Variants in NRXN3 observed in about 807,000 individuals in gnomAD.
NRXN3 encodes neurexin III.
In NRXN3, 32 loss-of-function variants were observed where a neutral mutation model predicts 137.6. The observed-to-expected ratio is 0.23, with a 90% CI of 0.18 to 0.31. The LOEUF (loss-of-function observed/expected upper bound fraction) is 0.31. NRXN3 is among the 10% of genes least tolerant of loss of function. NRXN3 has a pLI of 1.00. For synonymous variants in NRXN3, 798 were observed against 784.5 expected, an observed-to-expected ratio of 1.02 and a Z score of -0.29; for missense variants, 1,574 against 2,062.5, an observed-to-expected ratio of 0.76 and a Z score of 4.59.
chr14:78,822,276 G>A (rs1376928638), intron 10 of NRXN3, among the ~76,000 whole-genome samples: 1 of 152,152 alleles, frequency 6.6e-6, no homozygotes, highest in Non-Finnish European at 1.5e-5. Context: ...AGCATTGAGT[G>A]ATTTCTGCCA....
At chr14:78,391,268 G>T (rs1394452725) in intron 4 of NRXN3, among the ~76,000 whole-genome samples, 1 of 152,188 alleles carries the variant, frequency 6.6e-6, no homozygotes, top group Non-Finnish European at 1.5e-5. Context: ...GAGGTGCTTT[G>T]ATGGGAGGAG....
intron 16 of NRXN3, among the ~76,000 whole-genome samples, chr14:79,629,808 T>C: frequency 7.5e-6 from 1 of 134,222 alleles, no homozygotes; most frequent in East Asian, 2.1e-4. Context: ...TGTGTGTGTG[T>C]ATGTGCGTGT....
chr14:78,544,261 C>G lies in NRXN3; in HGVS notation c.758-100859C>G, dbSNP rs181931226. ...GAGGATATGAGGGCACAAGAGGTGT[C>G]TCATACACCTTCTCCATTCTAGCAT... is the stretch of plus-strand genomic sequence containing the variant. On this transcript the variant is annotated intron_variant, in intron 4 of 20. Transcript: ENST00000335750. Among the ~76,000 whole-genome samples the G allele has an allele frequency of 2.6e-5, 4 of 152,338 alleles. No individual in the cohort carries two copies. In the East Asian group the frequency reaches 7.7e-4, roughly 29 times the overall value.
intron 4 of NRXN3, among the ~76,000 whole-genome samples, chr14:78,305,203 G>C (rs942687617): frequency 3.3e-5 from 5 of 152,166 alleles, no homozygotes; most frequent in Non-Finnish European, 7.4e-5. Context: ...AGTGGTGTGG[G>C]AAAGTGTGGG....
intron 2 of NRXN3, among the ~76,000 whole-genome samples, chr14:78,274,488 C>T (rs545377071): frequency 5.6e-4 from 86 of 152,236 alleles, no homozygotes; most frequent in African/African-American, 1.9e-3. Flanking sequence ...CCACTGGGTC[C>T]CTCCCATGAC....
At chr14:78,446,408 C>CT (rs532924679) in intron 4 of NRXN3, among the ~76,000 whole-genome samples, 5,104 of 145,576 alleles carry the variant, frequency 0.035, 250 homozygotes, top group African/African-American at 0.11. Flanking sequence ...ATGCTCTAGG[C>CT]TTTTTTTTTT....
At chr14:78,224,847 A>G (rs1022200053) in intron 1 of NRXN3, among the ~76,000 whole-genome samples, 3 of 138,718 alleles carry the variant, frequency 2.2e-5, no homozygotes, top group African/African-American at 8.0e-5. Context: ...GCTCACTGCA[A>G]GCTCCGCTTC....
At chr14:79,581,371 C>A (rs2097714636) in intron 16 of NRXN3, among the ~76,000 whole-genome samples, 1 of 152,158 alleles carries the variant, frequency 6.6e-6, no homozygotes, top group Non-Finnish European at 1.5e-5. Flanking sequence ...TATTCAACAG[C>A]CTTCAGCATT....
At chr14:78,330,510 T>C (rs1250296535) in intron 4 of NRXN3, among the ~76,000 whole-genome samples, 1 of 152,132 alleles carries the variant, frequency 6.6e-6, no homozygotes, top group Non-Finnish European at 1.5e-5. Context: ...AGACAATTAG[T>C]AGGGAAAAAA....
chr14:78,370,787 G>A (rs1041983384), intron 4 of NRXN3, among the ~76,000 whole-genome samples: 2 of 152,184 alleles, frequency 1.3e-5, no homozygotes, highest in African/African-American at 4.8e-5. Context: ...AAGTATGGAT[G>A]TCTAAGATTG....
At chr14:78,225,045 C>G (rs1391661944) in intron 1 of NRXN3, among the ~76,000 whole-genome samples, 1 of 152,174 alleles carries the variant, frequency 6.6e-6, no homozygotes, top group African/African-American at 2.4e-5. Flanking sequence ...GGATTACAGG[C>G]GTGAGCCACC....
chr14:78,791,369 GGGT>G (rs2098804601), intron 8 of NRXN3, among the ~76,000 whole-genome samples: 1 of 152,034 alleles, frequency 6.6e-6, no homozygotes, highest in Non-Finnish European at 1.5e-5. Flanking sequence ...GTAAGAAAAG[GGGT>G]ACAACCCAAT....
At chr14:79,391,180 G>T (rs1179252457) in intron 15 of NRXN3, among the ~76,000 whole-genome samples, 1 of 152,050 alleles carries the variant, frequency 6.6e-6, no homozygotes, top group African/African-American at 2.4e-5. Flanking sequence ...AAAAAAAAAT[G>T]TGATTAGAGG....
chr14:78,742,792 TATA>T (rs1392084649), intron 8 of NRXN3, among the ~76,000 whole-genome samples: 1 of 152,226 alleles, frequency 6.6e-6, no homozygotes, highest in Non-Finnish European at 1.5e-5. Flanking sequence ...AGCTTCTCTT[TATA>T]ATAATTTATC....
chr14:79,279,782 T>A, intron 15 of NRXN3: 1 of 990,672 alleles, frequency 1.0e-6, no homozygotes, highest in Non-Finnish European at 1.2e-6. Context: ...CAGTTCTGCA[T>A]TGCATCTCAT....
intron 8 of NRXN3, among the ~76,000 whole-genome samples, chr14:78,767,541 G>T (rs761509399): frequency 2.0e-5 from 3 of 152,124 alleles, no homozygotes; most frequent in Non-Finnish European, 2.9e-5. Context: ...GGCATGTGTC[G>T]CAGAGCGCCC....
chr14:79,622,696 A>C (rs958332380), intron 16 of NRXN3, among the ~76,000 whole-genome samples: 8 of 152,110 alleles, frequency 5.3e-5, no homozygotes, highest in African/African-American at 1.9e-4. Context: ...TCCCAGGTTC[A>C]AGGGATTCTC....
chr14:79,516,236 G>C (rs2096983053), intron 16 of NRXN3, among the ~76,000 whole-genome samples: 1 of 152,130 alleles, frequency 6.6e-6, no homozygotes, highest in East Asian at 1.9e-4. Flanking sequence ...AGGCAAGCAG[G>C]GTACCAGAGT....
chr14:78,378,222 C>A (rs894310989), intron 4 of NRXN3, among the ~76,000 whole-genome samples: 6 of 152,150 alleles, frequency 3.9e-5, no homozygotes, highest in Non-Finnish European at 8.8e-5. Context: ...CGGTGGCTCA[C>A]GCCTATAATC....
Sources: gnomAD v4.1 joint callset for allele counts (sites outside exome capture counted in the v4.1 genomes callset) on GRCh38, gnomAD v4.1.1 for gene constraint, MANE v1.5 for transcripts, NCBI Gene and HGNC (gene_info 2026-07-23, HGNC 2026-07-21) for gene names.